The following KLC1 variants were observed in gnomAD, a reference collection of about 807,000 sequenced individuals.
KLC1 encodes kinesin 2 60/70kDa.
A neutral mutation model predicts 84.2 loss-of-function variants in KLC1; 30 were observed. The ratio of observed to expected loss-of-function variants is 0.36; its 90% confidence interval spans 0.27 to 0.48. KLC1 has a LOEUF of 0.48. KLC1 is among the 20% of genes least tolerant of loss of function. The pLI, the probability that KLC1 is intolerant of heterozygous loss-of-function variation, is 0.99. For missense variants in KLC1, 499 were observed against 805.4 expected, an observed-to-expected ratio of 0.62 and a Z score of 4.60; for synonymous variants, 289 against 293.3, an observed-to-expected ratio of 0.99 and a Z score of 0.15.
rs999493553 is a variant in KLC1, at chr14:103,634,699, G to C, written c.-2+5205G>C. ...ATGGGTTGGACTGAGAAGTCTCTAT[G>C]GATTTTGCTTCTAGGAGGTTACTAA... is the stretch of plus-strand genomic sequence containing the variant. On this transcript the variant is annotated intron_variant, in intron 1 of 16. Coordinates refer to ENST00000334553, the MANE Select transcript of KLC1 (RefSeq NM_001394837.1). Among the ~76,000 whole-genome samples the C allele has an allele frequency of 3.3e-5, 5 of 152,004 alleles. No individual in the cohort carries two copies. The East Asian group carries it at 9.6e-4, about 29-fold the overall frequency.
At chr14:103,677,647 A>G in intron 12 of KLC1, 124 bp downstream of exon 12, 1 of 690,732 alleles carries the variant, frequency 1.4e-6, no homozygotes, top group Non-Finnish European at 2.5e-6. Context: ...AGTTTGAACA[A>G]ATAAAGTTAT....
intron 5 of KLC1, among the ~76,000 whole-genome samples, chr14:103,663,906 T>A (rs962681403): frequency 1.3e-5 from 2 of 152,170 alleles, no homozygotes; most frequent in African/African-American, 4.8e-5. Context: ...TGCGGTGATA[T>A]GACTACCCAC....
At position 103,697,262 on chromosome 14, in the gene KLC1, G is replaced by C. The variant is rs1405804197; in HGVS notation, c.1849-3393G>C. The C allele has an allele frequency of 1.2e-5, 4 of 336,706 alleles. 1 individual carries two copies. Among genetic ancestry groups the C allele is most frequent in the Non-Finnish European group, 1.7e-5 (4 of 237,094 alleles). The allele number at this position is 336,706 out of a possible 1,614,324, so 20.9% of individuals were successfully genotyped here. A position where few individuals can be genotyped will look rare whatever the true frequency, so the allele number is the denominator to read the frequency against. ...TAACTTTAGGGTCATAGAGAGCCTT[G>C]ATAACATGATGAAGGTTTAAACGGA... On this transcript the variant is annotated intron_variant, in intron 15 of 16. Transcript: ENST00000334553.
chr14:103,670,123 A>G (rs2080249839), intron 6 of KLC1, 59 bp from the exon 7 acceptor site: 1 of 1,076,896 alleles, frequency 9.3e-7, no homozygotes, highest in Non-Finnish European at 1.3e-6. Context: ...TGTGGTGTAT[A>G]AATGTACTCT....
intron 13 of KLC1, chr14:103,685,585 CCTTTCCTCGCCGCGGTTT>C: frequency 7.8e-7 from 1 of 1,289,216 alleles, no homozygotes; most frequent in Non-Finnish European, 1.0e-6. Context: ...GAGCCTGTTG[CCTTTCCTCGCCGCGGTTT>C]CACGTGGGTT....
rs187280899 is a variant in KLC1, at chr14:103,647,010, C to T, written c.-1-7554C>T. ...TCATATTTATGTCTGGTGTTTTTGT[C>T]AGAGCTGAGTGGTAGAACTTTCGTT... On this transcript the variant is annotated intron_variant, in intron 1 of 16. Coordinates refer to ENST00000334553, the MANE Select transcript of KLC1 (RefSeq NM_001394837.1). Among the ~76,000 whole-genome samples the T allele has an allele frequency of 3.0e-3, 449 of 152,188 alleles. 2 individuals carry two copies. Among genetic ancestry groups the T allele is most frequent in the African/African-American group, 0.01 (421 of 41,526 alleles).
chr14:103,632,230 A>T (rs1430742392), intron 1 of KLC1, among the ~76,000 whole-genome samples: 1 of 150,850 alleles, frequency 6.6e-6, no homozygotes, highest in Non-Finnish European at 1.5e-5. Flanking sequence ...GTTTAAGACC[A>T]GCCTGGCCAA....
Position 103,673,354 on chromosome 14 carries a change from G to C in KLC1, c.1184G>C (p.Gly395Ala), listed in dbSNP as rs779271020. 6.2e-7 allele frequency: 1 copy of C among 1,602,462 alleles called. No homozygotes were observed. The highest frequency in any genetic ancestry group is 1.7e-5 in the Admixed American group (1 of 57,184). The change falls in exon 9 of 17, where the codon GGA (glycine) becomes GCA (alanine). Residue 395 changes from glycine to alanine, a missense_variant. Gly to Ala is a moderately conservative substitution (Grantham distance 60). This residue lies in a region of KLC1 where 153 missense variants were observed against 332.4 expected (regional missense o/e 0.46). Transcript: ENST00000334553. Reference sequence around the variant, plus strand: ...AAGGCATCCTGCTATTTGAAACAAGGAAAGTTCAAGCAAGCAGAAACACTG... The same window carrying C: ...AAGGCATCCTGCTATTTGAAACAAGCAAAGTTCAAGCAAGCAGAAACACTG... ...NNLASCYLKQ[G>A]KFKQAETLYK...
At chr14:103,684,873 G>A (rs1567037329) in intron 13 of KLC1, 17 of 701,950 alleles carry the variant, frequency 2.4e-5, no homozygotes, top group Non-Finnish European at 2.1e-5. Context: ...TGTTAATGAC[G>A]ATACGTTAGC....
chr14:103,680,652 C>A (rs1021744218), intron 13 of KLC1, among the ~76,000 whole-genome samples: 2 of 152,178 alleles, frequency 1.3e-5, no homozygotes, highest in African/African-American at 4.8e-5. Flanking sequence ...ATCTGCTTTG[C>A]CCACTCAACC....
chr14:103,664,948 G>A (rs964823391), intron 5 of KLC1, among the ~76,000 whole-genome samples: 3 of 151,184 alleles, frequency 2.0e-5, no homozygotes, highest in Admixed American at 6.6e-5. Context: ...TGTGCACAGC[G>A]TGCATGGGCA....
chr14:103,629,596 C>T (rs1311127389), intron 1 of KLC1, 102 bp downstream of exon 1: 1 of 152,654 alleles, frequency 6.6e-6, no homozygotes, highest in Non-Finnish European at 1.5e-5. Context: ...AACTCTGTCC[C>T]CATCCAGGCC....
intron 1 of KLC1, 84 bp from the exon 2 acceptor site, chr14:103,654,480 T>G: frequency 9.1e-7 from 1 of 1,097,918 alleles, no homozygotes; most frequent in South Asian, 1.7e-5. Context: ...AAAATGTTAA[T>G]TAAAAAATTT....
chr14:103,698,590 C>G, intron 15 of KLC1: 1 of 610,176 alleles, frequency 1.6e-6, no homozygotes, highest in Non-Finnish European at 2.9e-6. Context: ...GTCCCCAGAC[C>G]CAGGGAGAGG....
At chr14:103,662,967 A>G (rs748313638) in intron 5 of KLC1, 40 bp downstream of exon 5, 2 of 1,413,334 alleles carry the variant, frequency 1.4e-6, no homozygotes, top group Non-Finnish European at 9.7e-7. Flanking sequence ...TTACCTAGAG[A>G]CAATGTTTTT....
intron 1 of KLC1, among the ~76,000 whole-genome samples, chr14:103,646,506 T>C (rs1373842947): frequency 6.6e-6 from 1 of 152,156 alleles, no homozygotes; most frequent in East Asian, 1.9e-4. Flanking sequence ...TGTATGCATA[T>C]ATATGTGTAT....
rs990191762 is a variant in KLC1 at position 103,630,611 on chromosome 14, C to T, written c.-2+1117C>T. Among the ~76,000 whole-genome samples, 5 of 152,214 alleles carry T rather than the reference C, an allele frequency of 3.3e-5. No individual in the cohort carries two copies. The East Asian group carries it at 9.6e-4, about 29-fold the overall frequency. ...CATTGCACTAGTTTAGTGAAAGACA[C>T]TTTAGAAAACTGGAAGAACCTCCTG... On this transcript the variant is annotated intron_variant, in intron 1 of 16. Coordinates refer to ENST00000334553, the MANE Select transcript of KLC1 (RefSeq NM_001394837.1).
chr14:103,630,382 G>T (rs1367352806), intron 1 of KLC1, among the ~76,000 whole-genome samples: 2 of 152,130 alleles, frequency 1.3e-5, no homozygotes, highest in Non-Finnish European at 2.9e-5. Flanking sequence ...AATGAATTAA[G>T]AATTTACATA....
intron 2 of KLC1, among the ~76,000 whole-genome samples, chr14:103,656,369 TATC>T (rs763238588): frequency 2.0e-4 from 30 of 152,324 alleles, no homozygotes; most frequent in Non-Finnish European, 4.4e-5. Flanking sequence ...GTTTCTATAA[TATC>T]ATGCTTGACA....
Sources: allele counts gnomAD v4.1 joint callset (sites outside exome capture counted in the v4.1 genomes callset), GRCh38; gene constraint gnomAD v4.1.1; regional missense constraint gnomAD v4.1.1; transcripts MANE v1.5; gene names NCBI Gene and HGNC (gene_info 2026-07-23, HGNC 2026-07-21).